The following GRM8 variants were observed in gnomAD, a reference collection of about 807,000 sequenced individuals.
The protein encoded by GRM8 is metabotropic glutamate receptor 8.
Under a neutral mutation model 87.2 loss-of-function variants are expected in GRM8, and 47 were observed. The ratio of observed to expected loss-of-function variants is 0.54; its 90% confidence interval spans 0.43 to 0.69. The LOEUF is 0.69. Ranked by LOEUF, GRM8 falls within the 30% of genes least tolerant of loss-of-function variation. GRM8 has a pLI of 0.00. For synonymous variants in GRM8, 396 were observed against 404.5 expected (o/e 0.98, Z 0.25); for missense variants, 1,019 against 1,139.2 (o/e 0.89, Z 1.52).
chr7:126,859,041 C>A (rs1586220236), intron 6 of GRM8, among the ~76,000 whole-genome samples: 2 of 151,712 alleles, frequency 1.3e-5, no homozygotes, highest in East Asian at 3.9e-4. Flanking sequence ...CATGATAAAA[C>A]AGCCTCCCTA....
At chr7:127,208,869 A>G (rs1796061279) in intron 2 of GRM8, among the ~76,000 whole-genome samples, 2 of 152,154 alleles carry the variant, frequency 1.3e-5, no homozygotes, top group Non-Finnish European at 2.9e-5. Flanking sequence ...TTTCCAGTTT[A>G]TAAGCAGCCC....
At chr7:126,744,655 A>C (rs1472859218) in intron 7 of GRM8, among the ~76,000 whole-genome samples, 3 of 152,064 alleles carry the variant, frequency 2.0e-5, no homozygotes, top group Non-Finnish European at 4.4e-5. Flanking sequence ...GAAAACTGAA[A>C]TTAATCTTTA....
In GRM8 at chr7:126,439,094, C is replaced by A; in HGVS notation, c.*25G>T. ...TCATTTAAGATCATATACCACATCT[C>A]TTCAGATTGTGCCATTTCCCTGTTT... On this transcript the variant is annotated 3_prime_UTR_variant, in exon 11 of 11. Transcript: ENST00000339582. 1 of 1,445,716 alleles carries A rather than the reference C, an allele frequency of 6.9e-7. No homozygotes were observed. Among genetic ancestry groups the A allele is most frequent in the Non-Finnish European group, 9.7e-7 (1 of 1,026,836 alleles). 89.6% of individuals were successfully genotyped at this position (1,445,716 alleles called of 1,614,324 possible). A position where few individuals can be genotyped will look rare whatever the true frequency, so the allele number is the denominator to read the frequency against.
intron 3 of GRM8, among the ~76,000 whole-genome samples, chr7:127,064,301 G>T (rs1820896778): frequency 6.6e-6 from 1 of 152,120 alleles, no homozygotes; most frequent in East Asian, 1.9e-4. Flanking sequence ...GAATCTGGGT[G>T]TTCCTGTGTT....
At chr7:126,897,442 G>A (rs563345698) in intron 6 of GRM8, among the ~76,000 whole-genome samples, 1 of 152,200 alleles carries the variant, frequency 6.6e-6, no homozygotes, top group East Asian at 1.9e-4. Context: ...GCAGAGGACT[G>A]AGTGGGGAAA....
intron 7 of GRM8, among the ~76,000 whole-genome samples, chr7:126,683,541 T>G (rs1461071905): frequency 3.3e-5 from 5 of 152,220 alleles, no homozygotes; most frequent in African/African-American, 9.6e-5. Context: ...TAATTTTCCC[T>G]TATCCTTTTC....
intron 3 of GRM8, among the ~76,000 whole-genome samples, chr7:127,104,227 A>T (rs917372104): frequency 1.1e-4 from 16 of 152,192 alleles, no homozygotes; most frequent in African/African-American, 3.9e-4. Flanking sequence ...ACTCCAAAAA[A>T]ATTGAATGTA....
intron 3 of GRM8, among the ~76,000 whole-genome samples, chr7:126,970,848 T>C (rs1243112293): frequency 2.0e-5 from 3 of 152,090 alleles, no homozygotes; most frequent in Non-Finnish European, 2.9e-5. Context: ...GGGTTATTAA[T>C]TGACCTAATT....
chr7:126,936,148 T>C (rs1275719119), intron 3 of GRM8, among the ~76,000 whole-genome samples: 1 of 152,190 alleles, frequency 6.6e-6, no homozygotes, highest in Non-Finnish European at 1.5e-5. Context: ...TTTCCATGAT[T>C]AAAGTATAAT....
intron 2 of GRM8, among the ~76,000 whole-genome samples, chr7:127,167,614 T>A (rs1465988425): frequency 6.6e-6 from 1 of 152,130 alleles, no homozygotes; most frequent in Non-Finnish European, 1.5e-5. Context: ...GGATCTGTGA[T>A]CAGTGACTTT....
intron 7 of GRM8, among the ~76,000 whole-genome samples, chr7:126,765,904 T>C (rs904004792): frequency 1.3e-5 from 2 of 152,116 alleles, no homozygotes; most frequent in African/African-American, 4.8e-5. Flanking sequence ...TACCTTTTTT[T>C]CAGTGATTTT....
Position 127,250,112 on chromosome 7 carries a change from G to C in GRM8, c.-312+2685C>G, listed in dbSNP as rs899181106. Among the ~76,000 whole-genome samples, 2 of 152,146 alleles carry C rather than the reference G, an allele frequency of 1.3e-5. 1 individual carries two copies. Among genetic ancestry groups the C allele is most frequent in the Non-Finnish European group, 2.9e-5 (2 of 68,034 alleles). On this transcript the variant is annotated intron_variant, in intron 1 of 10. Transcript: ENST00000339582. ...TGTACATCGTGCCCTGAAGACAATG[G>C]AACATTCATACACAAAGATTGGCAC... is the stretch of plus-strand genomic sequence containing the variant.
intron 3 of GRM8, among the ~76,000 whole-genome samples, chr7:127,004,085 G>A (rs991440263): frequency 2.0e-5 from 3 of 151,522 alleles, no homozygotes; most frequent in African/African-American, 2.4e-5. Flanking sequence ...CAAACTAGGC[G>A]AATCCAATCA....
chr7:127,016,175 T>A (rs1423142064), intron 3 of GRM8, among the ~76,000 whole-genome samples: 1 of 152,028 alleles, frequency 6.6e-6, no homozygotes, highest in East Asian at 1.9e-4. Context: ...GGGAGAAGCA[T>A]CTCTAAAAAT....
chr7:126,740,055 T>C (rs35825148), intron 7 of GRM8, among the ~76,000 whole-genome samples: 59,320 of 151,962 alleles, frequency 0.39, 12,801 homozygotes, highest in Non-Finnish European at 0.48. Flanking sequence ...AAGTGACACA[T>C]GACTGTATCA....
chr7:126,631,397 G>A (rs1278083325), intron 7 of GRM8, among the ~76,000 whole-genome samples: 6 of 152,092 alleles, frequency 3.9e-5, no homozygotes, highest in African/African-American at 4.8e-5. Flanking sequence ...ACAAACAAAC[G>A]GAAACTCATT....
intron 9 of GRM8, among the ~76,000 whole-genome samples, chr7:126,525,230 T>C (rs141816775): frequency 0.012 from 1,784 of 152,334 alleles, 16 homozygotes; most frequent in Non-Finnish European, 0.019. Flanking sequence ...GCAAGCAGCC[T>C]GGAACTTACC....
intron 6 of GRM8, among the ~76,000 whole-genome samples, chr7:126,818,229 CCAGT>C (rs1354773011): frequency 3.9e-5 from 6 of 152,170 alleles, no homozygotes; most frequent in African/African-American, 1.4e-4. Flanking sequence ...CTCATTTGTA[CCAGT>C]CAAACAATAA....
chr7:126,616,491 C>G (rs1346925733), intron 7 of GRM8, among the ~76,000 whole-genome samples: 1 of 152,050 alleles, frequency 6.6e-6, no homozygotes, highest in Non-Finnish European at 1.5e-5. Context: ...CAAACACATT[C>G]AAAAGCTAGC....
Sources: gnomAD v4.1 joint callset for allele counts (sites outside exome capture counted in the v4.1 genomes callset) on GRCh38, gnomAD v4.1.1 for gene constraint, MANE v1.5 for transcripts, NCBI Gene and HGNC (gene_info 2026-07-23, HGNC 2026-07-21) for gene names.